Variants in CHRM1 observed in about 807,000 individuals in gnomAD.
CHRM1 encodes the protein muscarinic acetylcholine receptor M1.
In CHRM1, 5 loss-of-function variants were observed where a neutral mutation model predicts 31.6. The observed-to-expected ratio is 0.16, with a 90% CI of 0.08 to 0.33. The LOEUF (loss-of-function observed/expected upper bound fraction) is 0.33. Ranked by LOEUF, CHRM1 falls within the 10% of genes least tolerant of loss-of-function variation. The probability of loss-of-function intolerance (pLI) is 1.00; values close to 1 mark genes in which losing one functional copy is unlikely to be tolerated. For missense variants in CHRM1, 338 were observed against 610.3 expected (o/e 0.55, Z 4.70); for synonymous variants, 227 against 249.7 (o/e 0.91, Z 0.86).
At position 62,910,040 on chromosome 11, in the gene CHRM1, G is replaced by T. The variant is rs377511832; in HGVS notation, c.1061C>A (p.Thr354Asn). The change falls in exon 2 of 2, where the codon ACC becomes AAC. Residue 354 changes from threonine (T) to asparagine (N), a missense_variant. By Grantham distance (65) the Thr-to-Asn change is moderately conservative. Transcript: ENST00000306960. The surrounding 1 kb of genome is among the most constrained non-coding windows in gnomAD (Gnocchi z 8.7). ...RGKEQLAKRK[T>N]FSLVKEKKAA... is the part of the protein sequence containing the mutation. ...CTTCTTCTCCTTGACCAGCGAGAAG[G>T]TCTTCCGCTTGGCCAGCTGCTCCTT... 6.3e-5 allele frequency: 102 copies of T among 1,613,622 alleles called. No individual in the cohort carries two copies. The highest frequency in any genetic ancestry group is 8.4e-5 in the Non-Finnish European group (99 of 1,180,024).
chr11:62,919,474 G>C (rs989866477), intron 1 of CHRM1, among the ~76,000 whole-genome samples: 3 of 152,190 alleles, frequency 2.0e-5, no homozygotes, highest in African/African-American at 7.2e-5. Context: ...CAGAGCCTGG[G>C]CATGAGCAGC....
chr11:62,909,773 C>T lies in CHRM1; in HGVS notation c.1328G>A (p.Arg443His), dbSNP rs768728353. 63 of 1,614,022 alleles carry T rather than the reference C, an allele frequency of 3.9e-5. No homozygotes were observed. The highest frequency in any genetic ancestry group is 5.2e-5 in the Non-Finnish European group (61 of 1,179,984). The change falls in exon 2 of 2, where the codon CGC (arginine) becomes CAC (histidine). Residue 443 changes from arginine to histidine, a missense_variant. By Grantham distance (29) the Arg-to-His change is conservative (BLOSUM62 0). This residue lies in a region of CHRM1 where 68 missense variants were observed against 108.5 expected (regional missense o/e 0.63). Transcript: ENST00000306960. ...LLCRWDKRRW[R>H]KIPKRPGSVH... Reference sequence around the variant, plus strand: ...GGAGCCAGGGCGCTTGGGGATCTTGCGCCAGCGTCTCTTGTCCCAGCGGCA... The same window carrying T: ...GGAGCCAGGGCGCTTGGGGATCTTGTGCCAGCGTCTCTTGTCCCAGCGGCA...
chr11:62,910,245 C>T lies in CHRM1; in HGVS notation c.856G>A (p.Glu286Lys). 3 of 1,613,292 alleles carry T rather than the reference C, an allele frequency of 1.9e-6. No homozygotes were observed. Among genetic ancestry groups the T allele is most frequent in the Non-Finnish European group, 2.5e-6 (3 of 1,179,812 alleles). Residue 286 changes from glutamate (E) to lysine (K), a missense_variant, in exon 2 of 2, where the codon GAG becomes AAG. Around this residue, in one of 4 missense-constraint regions of CHRM1, gnomAD observed 183 missense variants for 223.4 expected, o/e 0.82. Coordinates refer to ENST00000306960, the MANE Select transcript of CHRM1 (RefSeq NM_000738.3). This position sits in a 1 kb window ranked among gnomAD's most constrained non-coding sequence, Gnocchi z 8.7. ...TCTCCCTCTGAGGATGTGAGGGACT[C>T]CATGGAGCCTTCGTCCTCTTCCTCT... ...EEEEEDEGSM[E>K]SLTSSEGEEP...
At chr11:62,911,754 C>T (rs1020155193) in intron 1 of CHRM1, among the ~76,000 whole-genome samples, 4 of 152,082 alleles carry the variant, frequency 2.6e-5, no homozygotes, top group Non-Finnish European at 4.4e-5. Context: ...TAAGAACCCG[C>T]AAGAACAGAA....
Position 62,909,640 on chromosome 11 carries a change from G to T in CHRM1, c.*78C>A. ...GGTGAGGCCTGAGCAGGGCCCTGGGGCTGAGGATGCAGCCCCTGCCCTCTT... is the reference window on the plus strand; with the variant it reads ...GGTGAGGCCTGAGCAGGGCCCTGGGTCTGAGGATGCAGCCCCTGCCCTCTT... On this transcript the variant is annotated 3_prime_UTR_variant, in exon 2 of 2. Coordinates refer to ENST00000306960, the MANE Select transcript of CHRM1 (RefSeq NM_000738.3). 1.3e-6 allele frequency: 2 copies of T among 1,534,004 alleles called. No individual in the cohort carries two copies. The highest frequency in any genetic ancestry group is 1.8e-6 in the Non-Finnish European group (2 of 1,133,314).
In CHRM1 at chr11:62,910,165, C is replaced by T; in HGVS notation, c.936G>A (p.Gln312=). The change falls in exon 2 of 2, where the codon CAG becomes CAA. Residue 312 remains glutamine, a synonymous_variant. Coordinates refer to ENST00000306960, the MANE Select transcript of CHRM1 (RefSeq NM_000738.3). This position sits in a 1 kb window ranked among gnomAD's most constrained non-coding sequence, Gnocchi z 8.7. ...TCCGTGGGGGCTGCTTGGTGGGGGC[C>T]TGTGCCTCGGGGTCCACCATTGGCA... is the stretch of plus-strand genomic sequence containing the variant. ...IKMPMVDPEA[Q]APTKQPPRSS... The T allele has an allele frequency of 1.9e-6, 3 of 1,604,004 alleles. No homozygotes were observed. The highest frequency in any genetic ancestry group is 2.6e-6 in the Non-Finnish European group (3 of 1,175,242).
Position 62,909,679 on chromosome 11 carries a change from C to T in CHRM1, c.*39G>A. ...CCCTGCCCTCTTCCCACCGGCCTTT[C>T]CCGGGGACTGGGGTGGAGGGATGCA... On this transcript the variant is annotated 3_prime_UTR_variant, in exon 2 of 2. Coordinates refer to ENST00000306960, the MANE Select transcript of CHRM1 (RefSeq NM_000738.3). 1.3e-6 allele frequency: 2 copies of T among 1,597,380 alleles called. No individual in the cohort carries two copies. The highest frequency in any genetic ancestry group is 1.7e-6 in the Non-Finnish European group (2 of 1,171,136).
In CHRM1 at chr11:62,910,588, C is replaced by T. The variant is rs2085865405; in HGVS notation, c.513G>A (p.Arg171=). ...ILFWQYLVGE[R]TVLAGQCYIQ... The stretch of plus-strand genomic sequence containing the variant: ...TGTAGCACTGCCCAGCTAGCACTGT[C>T]CGCTCCCCTACCAGGTACTGCCAGA... The change falls in exon 2 of 2, where the codon CGG becomes CGA. Residue 171 remains arginine, a synonymous_variant. Coordinates refer to ENST00000306960, the MANE Select transcript of CHRM1 (RefSeq NM_000738.3). This position sits in a 1 kb window ranked among gnomAD's most constrained non-coding sequence, Gnocchi z 8.7. 2 of 1,614,076 alleles carry T rather than the reference C, an allele frequency of 1.2e-6. No individual in the cohort carries two copies. Among genetic ancestry groups the T allele is most frequent in the African/African-American group, 2.7e-5 (2 of 74,926 alleles).
Position 62,909,632 on chromosome 11 carries a change from G to A in CHRM1, c.*86C>T. On this transcript the variant is annotated 3_prime_UTR_variant, in exon 2 of 2. Coordinates refer to ENST00000306960, the MANE Select transcript of CHRM1 (RefSeq NM_000738.3). Reference sequence around the variant, plus strand: ...GGAAGCCAGGTGAGGCCTGAGCAGGGCCCTGGGGCTGAGGATGCAGCCCCT... The same window carrying A: ...GGAAGCCAGGTGAGGCCTGAGCAGGACCCTGGGGCTGAGGATGCAGCCCCT... The A allele has an allele frequency of 6.6e-7, 1 of 1,509,012 alleles. No homozygotes were observed. The highest frequency in any genetic ancestry group is 9.0e-7 in the Non-Finnish European group (1 of 1,114,212). 93.5% of individuals were successfully genotyped at this position (1,509,012 alleles called of 1,614,324 possible). A position where few individuals can be genotyped will look rare whatever the true frequency, so the allele number is the denominator to read the frequency against.
intron 1 of CHRM1, 104 bp downstream of exon 1, chr11:62,921,114 C>T (rs931468593): frequency 6.5e-6 from 1 of 152,784 alleles, no homozygotes. Flanking sequence ...GTGAGTCCAT[C>T]CCTATTTCCA....
intron 1 of CHRM1, among the ~76,000 whole-genome samples, chr11:62,913,981 C>T (rs1239756368): frequency 1.3e-5 from 2 of 149,736 alleles, no homozygotes; most frequent in Non-Finnish European, 1.5e-5. Flanking sequence ...CTCGCTGTGT[C>T]ACCCAGGCTG....
chr11:62,919,686 C>T (rs537883899), intron 1 of CHRM1, among the ~76,000 whole-genome samples: 13 of 152,212 alleles, frequency 8.5e-5, no homozygotes, highest in Admixed American at 5.9e-4. Flanking sequence ...CACCTCTCCC[C>T]GCCTGCTGGG....
At position 62,911,137 on chromosome 11, in the gene CHRM1, C is replaced by T. The variant is rs1347036827; in HGVS notation, c.-37G>A. The T allele has an allele frequency of 3.1e-6, 5 of 1,594,798 alleles. No homozygotes were observed. The East Asian group carries it at 1.1e-4, about 36-fold the overall frequency. On this transcript the variant is annotated 5_prime_UTR_variant, in exon 2 of 2. Transcript: ENST00000306960. ...GGGGCTGGGGTTGGAGAGCCCCTTC[C>T]TCCAGGCACGCTACAGGGCTTCCTC...
intron 1 of CHRM1, among the ~76,000 whole-genome samples, chr11:62,912,041 T>C (rs564111712): frequency 1.3e-5 from 2 of 151,996 alleles, no homozygotes; most frequent in Admixed American, 6.6e-5. Context: ...GCAGGGAAAA[T>C]TGTGCTGGAC....
rs548882890 is a variant in CHRM1, at chr11:62,918,006, C to T, written c.-79+3212G>A. 5.3e-5 allele frequency: 8 copies of T among 152,206 alleles called. No homozygotes were observed. The East Asian group carries it at 1.2e-3, about 22-fold the overall frequency. 9.4% of individuals were successfully genotyped at this position (152,206 alleles called of 1,614,324 possible). The stretch of plus-strand genomic sequence containing the variant: ...ACCTTACAGCTCATCAGCGATGCAA[C>T]CAGGATTTGGATCCAGGCCGTCTGC... On this transcript the variant is annotated intron_variant, in intron 1 of 1. Transcript: ENST00000306960.
chr11:62,913,784 G>A (rs1261581979), intron 1 of CHRM1, among the ~76,000 whole-genome samples: 1 of 151,850 alleles, frequency 6.6e-6, no homozygotes, highest in Non-Finnish European at 1.5e-5. Flanking sequence ...GCTGTTAAAG[G>A]GTTTATATGC....
In CHRM1 at chr11:62,909,670, C is replaced by G. The variant is rs757967211; in HGVS notation, c.*48G>C. 5 of 1,587,858 alleles carry G rather than the reference C, an allele frequency of 3.1e-6. No individual in the cohort carries two copies. The highest frequency in any genetic ancestry group is 4.3e-6 in the Non-Finnish European group (5 of 1,166,480). ...GGATGCAGCCCCTGCCCTCTTCCCA[C>G]CGGCCTTTCCCGGGGACTGGGGTGG... On this transcript the variant is annotated 3_prime_UTR_variant, in exon 2 of 2. Coordinates refer to ENST00000306960, the MANE Select transcript of CHRM1 (RefSeq NM_000738.3).
rs11823728 is a variant in CHRM1 at position 62,909,330 on chromosome 11, C to T, written c.*388G>A. The T allele has an allele frequency of 0.05, 9,830 of 196,386 alleles. 340 individuals are homozygous for T. The highest frequency in any genetic ancestry group is 0.11 in the African/African-American group (4,533 of 42,630). The allele number at this position is 196,386 out of a possible 1,614,324, so 12.2% of individuals were successfully genotyped here. On this transcript the variant is annotated 3_prime_UTR_variant, in exon 2 of 2. Transcript: ENST00000306960. ...CCCCCCAGGGGGCACCATCTCACAC[C>T]GCAATCTGGGCCGCTGCTGGGCCAA...
At chr11:62,919,842 C>T (rs1015189342) in intron 1 of CHRM1, among the ~76,000 whole-genome samples, 1 of 152,150 alleles carries the variant, frequency 6.6e-6, no homozygotes, top group Non-Finnish European at 1.5e-5. Context: ...ATCCCTTCTC[C>T]GACCATGAGC....
Sources: allele counts gnomAD v4.1 joint callset (sites outside exome capture counted in the v4.1 genomes callset), GRCh38; gene constraint gnomAD v4.1.1; regional missense constraint gnomAD v4.1.1; non-coding constraint Gnocchi (gnomAD v3.1); transcripts MANE v1.5; gene names NCBI Gene and HGNC (gene_info 2026-07-23, HGNC 2026-07-21).